DCDC1: variants seen among roughly 807,000 people sequenced by gnomAD.
DCDC1 encodes doublecortin domain-containing protein 1.
In DCDC1, 200 loss-of-function variants were observed where a neutral mutation model predicts 178.3. The ratio of observed to expected loss-of-function variants is 1.12; its 90% CI spans 1.00 to 1.26. DCDC1 has a LOEUF of 1.26. DCDC1 is among the 50% of genes most tolerant of loss of function. DCDC1 has a pLI of 0.00. For synonymous variants in DCDC1, 690 were observed against 604.8 expected, an observed-to-expected ratio of 1.14 and a Z score of -2.07; for missense variants, 1,983 against 1,749.2, an observed-to-expected ratio of 1.13 and a Z score of -2.38.
chr11:31,118,528 C>A (rs208074), intron 11 of DCDC1, among the ~76,000 whole-genome samples: 1 of 151,776 alleles, frequency 6.6e-6, no homozygotes, highest in African/African-American at 2.4e-5. Flanking sequence ...AGATGTCAGT[C>A]GGTAATCCAG....
At chr11:30,879,421 T>C (rs1424462080) in intron 37 of DCDC1, among the ~76,000 whole-genome samples, 1 of 152,112 alleles carries the variant, frequency 6.6e-6, no homozygotes, top group Admixed American at 6.6e-5. Context: ...ATGGCAACAA[T>C]AAAATAAGTT....
chr11:30,977,190 G>A (rs1396736916), intron 20 of DCDC1, among the ~76,000 whole-genome samples: 1 of 152,138 alleles, frequency 6.6e-6, no homozygotes, highest in East Asian at 1.9e-4. Context: ...TGTGGTTGGG[G>A]ATTGTGGGGG....
chr11:31,045,306 C>T (rs572258531), intron 20 of DCDC1, among the ~76,000 whole-genome samples: 3 of 151,996 alleles, frequency 2.0e-5, no homozygotes, highest in Admixed American at 1.3e-4. Flanking sequence ...TCTGCTTGTG[C>T]GACCCACTTC....
chr11:30,882,536 G>A (rs1942782544), intron 36 of DCDC1: 2 of 151,968 alleles, frequency 1.3e-5, no homozygotes, highest in African/African-American at 4.8e-5. Flanking sequence ...TTGGTTAAAT[G>A]CAGCCCTACT....
In DCDC1 at chr11:31,265,058, C is replaced by A. The variant is rs139643071; in HGVS notation, c.1054+449G>T. Among the ~76,000 whole-genome samples, 33 of 152,150 alleles carry A rather than the reference C, an allele frequency of 2.2e-4. 1 individual carries two copies. In the East Asian group the frequency reaches 6.4e-3, roughly 29 times the overall value. ...GAGTAATGGGTTACTGGAGTTCTTC[C>A]TAGTGGTTCCAAACTGAACTACATT... On this transcript the variant is annotated intron_variant, in intron 8 of 38. Transcript: ENST00000684477.
At chr11:31,341,784 C>T (rs1950559712) in intron 1 of DCDC1, among the ~76,000 whole-genome samples, 1 of 148,144 alleles carries the variant, frequency 6.8e-6, no homozygotes, top group Non-Finnish European at 1.5e-5. Flanking sequence ...CATCCTTAAG[C>T]AAAACACTCT....
In DCDC1 at chr11:30,915,529, AT is replaced by A; in HGVS notation, c.3634del (p.Ile1212TyrfsTer12). 6.2e-7 allele frequency: 1 copy of A among 1,613,922 alleles called. No individual in the cohort carries two copies. Among genetic ancestry groups the A allele is most frequent in the South Asian group, 1.1e-5 (1 of 91,084 alleles). On this transcript the variant is annotated frameshift_variant, in exon 27 of 39. Coordinates refer to ENST00000684477, the MANE Select transcript of DCDC1 (RefSeq NM_001387274.1). LOFTEE classifies it high-confidence loss of function. ...GGATTACCTGCTGTCTTCCTGGTGT[AT>A]CCAGCGCTGATGACTACCATCAGAT... ...KKSDGSHQRW[I>X]HQEDSRTFHL... is the part of the protein sequence containing the mutation.
intron 9 of DCDC1, among the ~76,000 whole-genome samples, chr11:31,148,862 G>A (rs536529128): frequency 1.3e-5 from 2 of 152,180 alleles, no homozygotes; most frequent in South Asian, 2.1e-4. Context: ...AGTATACACT[G>A]TGCCCAATAT....
At chr11:30,921,577 A>G (rs1565077596) in intron 24 of DCDC1, among the ~76,000 whole-genome samples, 1 of 152,146 alleles carries the variant, frequency 6.6e-6, no homozygotes. Flanking sequence ...GCTCCCACTT[A>G]CTGTATCAAG....
intron 20 of DCDC1, among the ~76,000 whole-genome samples, chr11:31,008,658 C>T (rs924979029): frequency 2.0e-5 from 3 of 152,134 alleles, no homozygotes; most frequent in African/African-American, 7.2e-5. Flanking sequence ...AACATTAAAA[C>T]AAACTACCTA....
chr11:31,193,277 TCTG>T (rs1970328639), intron 9 of DCDC1, among the ~76,000 whole-genome samples: 1 of 152,068 alleles, frequency 6.6e-6, no homozygotes, highest in Admixed American at 6.6e-5. Flanking sequence ...TTTCTGTTTC[TCTG>T]GAGAACCCTA....
intron 21 of DCDC1, among the ~76,000 whole-genome samples, chr11:30,942,061 A>C (rs1017809976): frequency 6.6e-6 from 1 of 152,306 alleles, no homozygotes; most frequent in African/African-American, 2.4e-5. Flanking sequence ...TCACTGAGAA[A>C]CTTTCACCAG....
chr11:31,004,038 T>C (rs1951710209), intron 20 of DCDC1, among the ~76,000 whole-genome samples: 3 of 152,214 alleles, frequency 2.0e-5, no homozygotes, highest in South Asian at 4.2e-4. Flanking sequence ...GGAATGACAA[T>C]AAGGTCAGTT....
At chr11:31,007,541 G>T (rs1412722395) in intron 20 of DCDC1, among the ~76,000 whole-genome samples, 1 of 152,206 alleles carries the variant, frequency 6.6e-6, no homozygotes. Flanking sequence ...GCAGATAAGA[G>T]GTTAGGATGT....
At chr11:30,875,704 C>T (rs563862270) in intron 38 of DCDC1, among the ~76,000 whole-genome samples, 16 of 152,176 alleles carry the variant, frequency 1.1e-4, no homozygotes, top group Admixed American at 6.6e-4. Context: ...TATATTTATC[C>T]TTCTGCTGTC....
At chr11:31,078,214 A>T (rs189645926) in intron 17 of DCDC1, among the ~76,000 whole-genome samples, 43 of 131,808 alleles carry the variant, frequency 3.3e-4, no homozygotes, top group African/African-American at 1.3e-3. Flanking sequence ...CAATAAGAAT[A>T]TTATGGAAAG....
At chr11:31,069,683 A>G (rs1956442393) in intron 18 of DCDC1, among the ~76,000 whole-genome samples, 1 of 152,214 alleles carries the variant, frequency 6.6e-6, no homozygotes, top group African/African-American at 2.4e-5. Context: ...AAATTCTGGC[A>G]ACTGTAAATC....
At chr11:31,242,716 T>C (rs1341898324) in intron 8 of DCDC1, among the ~76,000 whole-genome samples, 1 of 151,892 alleles carries the variant, frequency 6.6e-6, no homozygotes, top group Admixed American at 6.6e-5. Flanking sequence ...CATAGCAATC[T>C]GGAAATTGAA....
chr11:30,918,788 TG>T (rs1284663847), intron 25 of DCDC1, among the ~76,000 whole-genome samples: 7 of 152,174 alleles, frequency 4.6e-5, no homozygotes, highest in African/African-American at 2.4e-5. Flanking sequence ...CAGGTACCTG[TG>T]ATTCAGTGAG....
Sources: gnomAD v4.1 joint callset for allele counts (sites outside exome capture counted in the v4.1 genomes callset) on GRCh38, gnomAD v4.1.1 for gene constraint, MANE v1.5 for transcripts, NCBI Gene and HGNC (gene_info 2026-07-23, HGNC 2026-07-21) for gene names.